ADAMTS18: variants seen among roughly 807,000 people sequenced by gnomAD.
ADAMTS18 encodes the protein ADAM metallopeptidase with thrombospondin type 1 motif 18, also known as A disintegrin and metalloproteinase with thrombospondin motifs 18.
Under a neutral mutation model 165.9 loss-of-function variants are expected in ADAMTS18, and 157 were observed. That is an observed-to-expected ratio of 0.95 (90% CI 0.83 to 1.08). The LOEUF is 1.08. Among genes scored for constraint, ADAMTS18 ranks in the 50% least tolerant of loss-of-function variants. The pLI, the probability that ADAMTS18 is intolerant of heterozygous loss-of-function variation, is 0.00. For missense variants in ADAMTS18, 2,040 were observed against 1,534.0 expected (o/e 1.33, Z -5.51); for synonymous variants, 782 against 578.2 (o/e 1.35, Z -5.06).
At chr16:77,292,753 T>C (rs2055387818) in intron 20 of ADAMTS18, among the ~76,000 whole-genome samples, 2 of 152,138 alleles carry the variant, frequency 1.3e-5, no homozygotes, top group South Asian at 4.1e-4. Flanking sequence ...TATCAATGTG[T>C]GCAACACAAA....
intron 3 of ADAMTS18, among the ~76,000 whole-genome samples, chr16:77,422,538 G>C (rs1044330646): frequency 7.8e-6 from 1 of 127,556 alleles, no homozygotes; most frequent in South Asian, 2.6e-4. Context: ...AGAGAGGAGA[G>C]TGAAAAAAAA....
intron 3 of ADAMTS18, among the ~76,000 whole-genome samples, chr16:77,430,815 G>T (rs1242425056): frequency 6.6e-6 from 1 of 152,188 alleles, no homozygotes; most frequent in Admixed American, 6.5e-5. Context: ...TCTTATGTGA[G>T]CAGGACACCA....
chr16:77,360,300 A>G (rs1170051573), intron 7 of ADAMTS18, among the ~76,000 whole-genome samples: 2 of 152,228 alleles, frequency 1.3e-5, no homozygotes, highest in Admixed American at 1.3e-4. Flanking sequence ...TGTCTATTAT[A>G]TATCTGTGTG....
intron 12 of ADAMTS18, among the ~76,000 whole-genome samples, chr16:77,331,972 T>C (rs1301567933): frequency 1.3e-5 from 2 of 152,222 alleles, no homozygotes; most frequent in Non-Finnish European, 2.9e-5. Flanking sequence ...TTTGCTCTAG[T>C]GTCATTATTT....
In ADAMTS18 at chr16:77,294,949, GT is replaced by G; in HGVS notation, c.2979del (p.Gln994AsnfsTer18). 1 of 1,614,180 alleles carries G rather than the reference GT, an allele frequency of 6.2e-7. No homozygotes were observed. The highest frequency in any genetic ancestry group is 8.5e-7 in the Non-Finnish European group (1 of 1,180,026). On this transcript the variant is annotated frameshift_variant, in exon 19 of 23. Coordinates refer to ENST00000282849, the MANE Select transcript of ADAMTS18 (RefSeq NM_199355.4). LOFTEE classifies it high-confidence loss of function. ...TGAGACCAGGGTCCAAGGCTCCATT[GT>G]GGAGGGCAGGCATGGCTGTTGCAGG... ...VQACNSHACP[P>X]QWSLGPWSQC...
At chr16:77,394,240 A>T (rs1597218804) in intron 3 of ADAMTS18, among the ~76,000 whole-genome samples, 1 of 152,324 alleles carries the variant, frequency 6.6e-6, no homozygotes, top group East Asian at 1.9e-4. Flanking sequence ...GTGTTTGTTT[A>T]TGGACTATTC....
At chr16:77,329,999 C>G (rs1315191380) in intron 12 of ADAMTS18, among the ~76,000 whole-genome samples, 1 of 152,116 alleles carries the variant, frequency 6.6e-6, no homozygotes, top group Non-Finnish European at 1.5e-5. Context: ...TTGGAGAGCT[C>G]TGTTAAACTA....
At chr16:77,301,351 G>C (rs1248131161) in intron 16 of ADAMTS18, among the ~76,000 whole-genome samples, 1 of 151,598 alleles carries the variant, frequency 6.6e-6, no homozygotes, top group East Asian at 1.9e-4. Context: ...CTTAAGTAAA[G>C]CCACCAACCA....
chr16:77,434,614 C>A lies in ADAMTS18; in HGVS notation c.82G>T (p.Val28Leu). The A allele has an allele frequency of 1.3e-6, 2 of 1,521,942 alleles. No homozygotes were observed. Among genetic ancestry groups the A allele is most frequent in the Non-Finnish European group, 1.8e-6 (2 of 1,140,502 alleles). The allele number at this position is 1,521,942 out of a possible 1,614,324, so 94.3% of individuals were successfully genotyped here. Residue 28 changes from valine to leucine, a missense_variant, in exon 1 of 23, where the codon GTG (valine) becomes TTG (leucine). Physicochemically the swap from Val to Leu is conservative, Grantham distance 32. Transcript: ENST00000282849. ...CGCTCGGCGGCACCTGCCTTGGCCACGCGCCCCAGTCCCGCCAGGCCCCTC... is the reference window on the plus strand; with the variant it reads ...CGCTCGGCGGCACCTGCCTTGGCCAAGCGCCCCAGTCCCGCCAGGCCCCTC... ...PPRGLAGLGR[V>L]AKALQLCCLC...
chr16:77,426,908 G>C (rs1385269741), intron 3 of ADAMTS18, among the ~76,000 whole-genome samples: 3 of 152,108 alleles, frequency 2.0e-5, no homozygotes, highest in Admixed American at 6.5e-5. Context: ...CAGCTACTTG[G>C]GGGGCTGAGT....
chr16:77,354,797 G>C (rs2056604312), intron 9 of ADAMTS18, among the ~76,000 whole-genome samples: 1 of 152,122 alleles, frequency 6.6e-6, no homozygotes, highest in East Asian at 1.9e-4. Flanking sequence ...AACTACAAAA[G>C]CATTTAACTA....
intron 10 of ADAMTS18, among the ~76,000 whole-genome samples, chr16:77,346,809 C>T (rs990366635): frequency 6.6e-6 from 1 of 152,130 alleles, no homozygotes; most frequent in Non-Finnish European, 1.5e-5. Context: ...TTTTAAAAAT[C>T]AACTTTACAG....
chr16:77,393,750 T>G (rs1385963057), intron 3 of ADAMTS18, among the ~76,000 whole-genome samples: 1 of 152,208 alleles, frequency 6.6e-6, no homozygotes, highest in Non-Finnish European at 1.5e-5. Context: ...TAAGTTACCC[T>G]GTTATGGCAG....
intron 12 of ADAMTS18, among the ~76,000 whole-genome samples, chr16:77,334,799 ATAC>A (rs2056275730): frequency 8.1e-6 from 1 of 122,776 alleles, no homozygotes; most frequent in Non-Finnish European, 1.6e-5. Flanking sequence ...AATATACTAT[ATAC>A]TATAGTATAC....
intron 11 of ADAMTS18, among the ~76,000 whole-genome samples, chr16:77,337,103 T>C (rs2056322443): frequency 1.3e-5 from 2 of 152,236 alleles, no homozygotes; most frequent in South Asian, 4.1e-4. Context: ...TCTTGCCATG[T>C]GCTGATTAAT....
chr16:77,355,889 T>C (rs1370164439), intron 9 of ADAMTS18, 51 bp downstream of exon 9: 1 of 1,611,874 alleles, frequency 6.2e-7, no homozygotes, highest in Admixed American at 1.7e-5. Flanking sequence ...TGGAGCACAA[T>C]TCTGTCATCA....
At position 77,323,227 on chromosome 16, in the gene ADAMTS18, G is replaced by A. The variant is rs113015514; in HGVS notation, c.2033-761C>T. 7.1e-3 allele frequency among the ~76,000 whole-genome samples: 1,078 copies of A among 152,204 alleles called. 13 individuals are homozygous for A. The highest frequency in any genetic ancestry group is 0.024 in the African/African-American group (993 of 41,536). ...TTCTTGGCCAGGAATTCCAGATAAC[G>A]TTTCTCACAGGAGACCTTCTGTGGG... On this transcript the variant is annotated intron_variant, in intron 13 of 22. Coordinates refer to ENST00000282849, the MANE Select transcript of ADAMTS18 (RefSeq NM_199355.4).
At chr16:77,370,376 A>C (rs1183855176) in intron 3 of ADAMTS18, among the ~76,000 whole-genome samples, 1 of 152,232 alleles carries the variant, frequency 6.6e-6, no homozygotes, top group Non-Finnish European at 1.5e-5. Flanking sequence ...AGAGGAACAC[A>C]GTAGAGTTGT....
At chr16:77,412,089 C>T (rs914138530) in intron 3 of ADAMTS18, among the ~76,000 whole-genome samples, 1 of 152,028 alleles carries the variant, frequency 6.6e-6, no homozygotes, top group South Asian at 2.1e-4. Context: ...GATGGCCCTC[C>T]CCAATGGGTC....
Sources: gnomAD v4.1 joint callset for allele counts (sites outside exome capture counted in the v4.1 genomes callset) on GRCh38, gnomAD v4.1.1 for gene constraint, MANE v1.5 for transcripts, NCBI Gene and HGNC (gene_info 2026-07-23, HGNC 2026-07-21) for gene names.